The following ZNF624 variants were observed in gnomAD, a reference collection of about 807,000 sequenced individuals.
The protein encoded by ZNF624 is zinc finger protein 624.
Under a neutral mutation model 74.7 loss-of-function variants are expected in ZNF624, and 43 were observed. The observed-to-expected ratio is 0.58, with a 90% confidence interval of 0.45 to 0.74. The LOEUF is 0.74. ZNF624 is among the 30% of genes least tolerant of loss of function. The pLI is 0.00. For missense variants in ZNF624, 820 were observed against 1,030.0 expected, an observed-to-expected ratio of 0.80 and a Z score of 2.79; for synonymous variants, 331 against 341.3, an observed-to-expected ratio of 0.97 and a Z score of 0.33.
At chr17:16,634,871 T>C in intron 3 of ZNF624, 115 bp from the exon 4 acceptor site, 2 of 910,470 alleles carry the variant, frequency 2.2e-6, no homozygotes, top group East Asian at 2.5e-5. Context: ...AATGATCATG[T>C]AGGTCAACCA....
the ZNF624 span, among the ~76,000 whole-genome samples, chr17:16,614,838 C>T: frequency 6.6e-6 from 1 of 151,962 alleles, no homozygotes. Context: ...AAAATATTAC[C>T]CACAATGACC....
At position 16,624,001 on chromosome 17, in the gene ZNF624, T is replaced by C. The variant is rs757163017; in HGVS notation, c.885A>G (p.Gln295=). 1.9e-6 allele frequency: 3 copies of C among 1,613,804 alleles called. No individual in the cohort carries two copies. Among genetic ancestry groups the C allele is most frequent in the South Asian group, 2.2e-5 (2 of 91,000 alleles). ...AAGGTTTTTCTTTAGTATGAGTTCT[T>C]TGATGTTGAATGAGCAATGATCTAT... is the stretch of plus-strand genomic sequence containing the variant. ...FHYRSLLIQH[Q]RTHTKEKPYE... The change falls in exon 6 of 6, where the codon CAA becomes CAG. Residue 295 remains glutamine, a synonymous_variant. Transcript: ENST00000311331.
In ZNF624 at chr17:16,649,228, C is replaced by A. The variant is rs968336031; in HGVS notation, c.87+430G>T. Reference sequence around the variant, plus strand: ...ACTTCTTAATGAGTAGAAAAGAGATCACTGAGAGTGGCACAAGGGGAATGG... The same window carrying A: ...ACTTCTTAATGAGTAGAAAAGAGATAACTGAGAGTGGCACAAGGGGAATGG... On this transcript the variant is annotated intron_variant, in intron 2 of 5. Coordinates refer to ENST00000311331, the MANE Select transcript of ZNF624 (RefSeq NM_020787.4). 2.2e-4 allele frequency among the ~76,000 whole-genome samples: 34 copies of A among 152,148 alleles called. 1 individual carries two copies.
At chr17:16,614,972 T>C in the ZNF624 span, among the ~76,000 whole-genome samples, 3 of 152,226 alleles carry the variant, frequency 2.0e-5, no homozygotes, top group Admixed American at 2.0e-4. Flanking sequence ...TACTGTATGA[T>C]TCTACTTATA....
In ZNF624 at chr17:16,623,966, T is replaced by C. The variant is rs1363657230; in HGVS notation, c.920A>G (p.Asn307Ser). Residue 307 changes from asparagine to serine, a missense_variant, in exon 6 of 6, where the codon AAT (asparagine) becomes AGT (serine). Coordinates refer to ENST00000311331, the MANE Select transcript of ZNF624 (RefSeq NM_020787.4). The surrounding 1 kb of genome is among the most constrained non-coding windows in gnomAD (Gnocchi z 5.3). ...CTGGCTGAATGTTTTCCCACATTCA[T>C]TACATTCATAAGGTTTTTCTTTAGT... is the stretch of plus-strand genomic sequence containing the variant. ...THTKEKPYECNECGKTFSQPS... is the reference protein window; with the variant it reads ...THTKEKPYECSECGKTFSQPS... 6.2e-7 allele frequency: 1 copy of C among 1,613,884 alleles called. No individual in the cohort carries two copies. Among genetic ancestry groups the C allele is most frequent in the African/African-American group, 1.3e-5 (1 of 74,936 alleles).
intron 3 of ZNF624, among the ~76,000 whole-genome samples, chr17:16,643,826 G>C (rs373172377): frequency 6.6e-6 from 1 of 152,308 alleles, no homozygotes. Context: ...ATGTAGAAGT[G>C]TGAGTTAACT....
In ZNF624 at chr17:16,622,850, T is replaced by C; in HGVS notation, c.2036A>G (p.Asn679Ser). The change falls in exon 6 of 6, where the codon AAT becomes AGT. Residue 679 changes from asparagine to serine, a missense_variant. Physicochemically the swap from Asn to Ser is conservative, Grantham distance 46. Transcript: ENST00000311331. ...KCNECEKAFTNTSQLTVHQRR... is the reference protein window; with the variant it reads ...KCNECEKAFTSTSQLTVHQRR... ...TTGGTGCACGGTAAGCTGTGATGTA[T>C]TAGTGAAGGCTTTCTCACATTCATT... The C allele has an allele frequency of 6.2e-7, 1 of 1,613,938 alleles. No individual in the cohort carries two copies. The highest frequency in any genetic ancestry group is 8.5e-7 in the Non-Finnish European group (1 of 1,179,926).
chr17:16,632,318 C>CT (rs1162324881), intron 5 of ZNF624, among the ~76,000 whole-genome samples: 2 of 152,194 alleles, frequency 1.3e-5, no homozygotes, highest in Non-Finnish European at 2.9e-5. Context: ...AGTCCTTCGT[C>CT]TTTGTCTTGC....
Position 16,644,873 on chromosome 17 carries a change from A to G in ZNF624, c.153+2456T>C, listed in dbSNP as rs568590685. Among the ~76,000 whole-genome samples, 4 of 152,240 alleles carry G rather than the reference A, an allele frequency of 2.6e-5. No individual in the cohort carries two copies. The East Asian group carries it at 5.8e-4, about 22-fold the overall frequency. On this transcript the variant is annotated intron_variant, in intron 3 of 5. Coordinates refer to ENST00000311331, the MANE Select transcript of ZNF624 (RefSeq NM_020787.4). ...CTTTTAAAGTCATAGACTGTCAGAAATTGTGTAGTCTGAAATCACATCAGA... is the reference window on the plus strand; with the variant it reads ...CTTTTAAAGTCATAGACTGTCAGAAGTTGTGTAGTCTGAAATCACATCAGA...
intron 3 of ZNF624, among the ~76,000 whole-genome samples, chr17:16,645,739 G>A (rs1399431467): frequency 6.6e-6 from 1 of 151,266 alleles, no homozygotes; most frequent in Non-Finnish European, 1.5e-5. Flanking sequence ...GTCACCTGAG[G>A]TCAGGAGTTC....
At chr17:16,652,755 T>C (rs990642647) in intron 1 of ZNF624, among the ~76,000 whole-genome samples, 2 of 152,210 alleles carry the variant, frequency 1.3e-5, no homozygotes, top group Admixed American at 6.5e-5. Context: ...CAAGAAGAAG[T>C]ATCTACCTAT....
At position 16,621,236 on chromosome 17, in the gene ZNF624, ACT is replaced by A. The variant is rs1489456347; in HGVS notation, c.*1050_*1051del. The A allele has an allele frequency of 6.6e-6, 1 of 152,202 alleles. No individual in the cohort carries two copies. The highest frequency in any genetic ancestry group is 1.5e-5 in the Non-Finnish European group (1 of 68,038). 9.4% of individuals were successfully genotyped at this position (152,202 alleles called of 1,614,324 possible). ...ATAGATATAAGTCGTTTTTAAAATT[ACT>A]CTCACACTGTTCCATAATATGGGTA... On this transcript the variant is annotated 3_prime_UTR_variant, in exon 6 of 6. Transcript: ENST00000311331.
At chr17:16,627,643 G>A (rs1909104097) in intron 5 of ZNF624, among the ~76,000 whole-genome samples, 1 of 152,180 alleles carries the variant, frequency 6.6e-6, no homozygotes, top group African/African-American at 2.4e-5. Flanking sequence ...TAAAGTCATA[G>A]GGCAAGAAAG....
At chr17:16,639,390 A>T (rs2142626357) in intron 3 of ZNF624, among the ~76,000 whole-genome samples, 1 of 152,304 alleles carries the variant, frequency 6.6e-6, no homozygotes, top group Admixed American at 6.5e-5. Context: ...TGGCGAATGT[A>T]GGACATGTTG....
downstream of ZNF624, among the ~76,000 whole-genome samples, chr17:16,615,956 C>CATATATATATATAT (rs56321425): frequency 2.8e-4 from 25 of 90,310 alleles, no homozygotes; most frequent in Non-Finnish European, 4.0e-4. Flanking sequence ...ATTCCATATA[C>CATATATATATATAT]ATATATATAT....
At chr17:16,648,787 G>A (rs1464427771) in intron 2 of ZNF624, among the ~76,000 whole-genome samples, 1 of 152,032 alleles carries the variant, frequency 6.6e-6, no homozygotes, top group Non-Finnish European at 1.5e-5. Flanking sequence ...TGTCTTCAGG[G>A]AAACATTAAA....
chr17:16,642,123 T>G (rs919983297), intron 3 of ZNF624, among the ~76,000 whole-genome samples: 1 of 152,164 alleles, frequency 6.6e-6, no homozygotes, highest in African/African-American at 2.4e-5. Flanking sequence ...AAAAATTCCA[T>G]CTGGCTTTTT....
intron 3 of ZNF624, among the ~76,000 whole-genome samples, chr17:16,639,229 G>C (rs550630340): frequency 1.3e-5 from 2 of 152,116 alleles, no homozygotes; most frequent in Non-Finnish European, 2.9e-5. Flanking sequence ...GTCTGTTCTG[G>C]ATCAGAAGAA....
downstream of ZNF624, among the ~76,000 whole-genome samples, chr17:16,619,521 A>G (rs191385249): frequency 7.9e-5 from 12 of 152,378 alleles, no homozygotes; most frequent in Admixed American, 2.0e-4. Context: ...AAAAATGGCA[A>G]AAGTCTTGAA....
Sources: gnomAD v4.1 joint callset for allele counts (sites outside exome capture counted in the v4.1 genomes callset) on GRCh38, gnomAD v4.1.1 for gene constraint, Gnocchi (gnomAD v3.1) non-coding constraint, MANE v1.5 for transcripts, NCBI Gene and HGNC (gene_info 2026-07-23, HGNC 2026-07-21) for gene names.